Variants in DIP2B observed in about 807,000 individuals in gnomAD.
DIP2B encodes the protein DIP2 acetate--CoA ligase B (putative).
A neutral mutation model predicts 198.0 loss-of-function variants in DIP2B; 76 were observed. The observed-to-expected ratio is 0.38, with a 90% CI of 0.32 to 0.46. The LOEUF (loss-of-function observed/expected upper bound fraction) is 0.46, where lower values mean the gene tolerates loss of function less well. Among genes scored for constraint, DIP2B ranks in the 20% least tolerant of loss-of-function variants. The probability of loss-of-function intolerance (pLI) is 0.99; values close to 1 mark genes in which losing one functional copy is unlikely to be tolerated. For missense variants in DIP2B, 1,559 were observed against 1,978.4 expected (o/e 0.79, Z 4.02); for synonymous variants, 701 against 739.1 (o/e 0.95, Z 0.84).
chr12:50,556,575 A>G (rs1958473326), intron 1 of DIP2B, among the ~76,000 whole-genome samples: 1 of 145,230 alleles, frequency 6.9e-6, no homozygotes, highest in Admixed American at 6.8e-5. Flanking sequence ...TTTTTTTGAG[A>G]TGGAGTCTCG....
intron 3 of DIP2B, among the ~76,000 whole-genome samples, chr12:50,653,934 C>T (rs188291684): frequency 2.7e-5 from 4 of 150,594 alleles, no homozygotes; most frequent in East Asian, 4.0e-4. Context: ...AGTGCAGTGG[C>T]GTGATCTCAG....
At chr12:50,607,743 G>A (rs1958996029) in intron 1 of DIP2B, among the ~76,000 whole-genome samples, 2 of 152,180 alleles carry the variant, frequency 1.3e-5, no homozygotes, top group Non-Finnish European at 2.9e-5. Flanking sequence ...TGAAAACAGA[G>A]GAAACACATC....
chr12:50,711,539 C>T (rs765918134), intron 22 of DIP2B, among the ~76,000 whole-genome samples: 14 of 152,028 alleles, frequency 9.2e-5, no homozygotes, highest in Non-Finnish European at 1.8e-4. Context: ...TTCTTTTGCC[C>T]TTTTAAATTT....
At chr12:50,571,557 T>G (rs1260198595) in intron 1 of DIP2B, among the ~76,000 whole-genome samples, 20 of 144,482 alleles carry the variant, frequency 1.4e-4, no homozygotes, top group Admixed American at 1.3e-3. Flanking sequence ...CGTTTTTTTT[T>G]TTTTTTTTTT....
At chr12:50,668,675 A>T (rs1201754230) in intron 4 of DIP2B, among the ~76,000 whole-genome samples, 2 of 152,360 alleles carry the variant, frequency 1.3e-5, no homozygotes, top group East Asian at 1.9e-4. Context: ...CAATAAAATG[A>T]TACAATAAAA....
intron 20 of DIP2B, among the ~76,000 whole-genome samples, chr12:50,705,898 A>G (rs927444611): frequency 6.6e-6 from 1 of 152,228 alleles, no homozygotes; most frequent in African/African-American, 2.4e-5. Flanking sequence ...AAATTTAGAA[A>G]TTCTGTAATG....
At chr12:50,728,729 G>A in intron 30 of DIP2B, 51 bp downstream of exon 30, 2 of 1,585,140 alleles carry the variant, frequency 1.3e-6, no homozygotes, top group East Asian at 2.3e-5. Context: ...ATACTTTGTG[G>A]CCATGGCCAT....
Position 50,704,125 on chromosome 12 carries a change from C to A in DIP2B, c.2326-15C>A, listed in dbSNP as rs1480179989. 6.3e-7 allele frequency: 1 copy of A among 1,597,368 alleles called. No homozygotes were observed. Among genetic ancestry groups the A allele is most frequent in the Non-Finnish European group, 8.5e-7 (1 of 1,176,226 alleles). On this transcript the variant is annotated splice_polypyrimidine_tract_variant and intron_variant, in intron 19 of 37. Coordinates refer to ENST00000301180, the MANE Select transcript of DIP2B (RefSeq NM_173602.3). ...AAAAAGCAAAGTTTTTCACTTACTT[C>A]ATTTTGTCTCTTAGGTAATTCCAGT...
Position 50,744,963 on chromosome 12 carries a change from A to C in DIP2B, c.*124A>C. ...ATGGCTACATGATATTCTTCATCTC[A>C]TCCTGTGGGATTCTGCAATCATAAA... On this transcript the variant is annotated 3_prime_UTR_variant, in exon 38 of 38. Transcript: ENST00000301180. 3.5e-5 allele frequency: 41 copies of C among 1,179,770 alleles called. No individual in the cohort carries two copies. Among genetic ancestry groups the C allele is most frequent in the Non-Finnish European group, 4.5e-5 (38 of 848,660 alleles). 73.1% of individuals were successfully genotyped at this position (1,179,770 alleles called of 1,614,324 possible).
chr12:50,675,589 T>C (rs983082236), intron 7 of DIP2B, 141 bp downstream of exon 7: 2 of 798,494 alleles, frequency 2.5e-6, no homozygotes, highest in African/African-American at 3.4e-5. Flanking sequence ...TGCTCTTTTT[T>C]CCCTAATGAT....
chr12:50,593,131 C>T (rs1958833600), intron 1 of DIP2B, among the ~76,000 whole-genome samples: 1 of 152,178 alleles, frequency 6.6e-6, no homozygotes, highest in African/African-American at 2.4e-5. Flanking sequence ...AATTAAAACC[C>T]ATACAATAAG....
At chr12:50,666,744 G>A (rs1268240951) in intron 4 of DIP2B, among the ~76,000 whole-genome samples, 1 of 152,144 alleles carries the variant, frequency 6.6e-6, no homozygotes, top group Non-Finnish European at 1.5e-5. Flanking sequence ...GCCTGAGGCC[G>A]GGCGTGGTGG....
chr12:50,625,902 T>C (rs1937924674), intron 1 of DIP2B, 74 bp from the exon 2 acceptor site: 3 of 1,492,790 alleles, frequency 2.0e-6, no homozygotes. Flanking sequence ...ACTCTGTAAT[T>C]AATTTTATTT....
chr12:50,539,729 G>A (rs941285718), intron 1 of DIP2B, among the ~76,000 whole-genome samples: 11 of 151,692 alleles, frequency 7.3e-5, no homozygotes, highest in Admixed American at 6.6e-4. Context: ...TGAAGGCCCC[G>A]TGGGCCTCTT....
intron 1 of DIP2B, among the ~76,000 whole-genome samples, chr12:50,555,293 G>C (rs1958460782): frequency 6.6e-6 from 1 of 152,086 alleles, no homozygotes; most frequent in Non-Finnish European, 1.5e-5. Flanking sequence ...ACCATTTCCA[G>C]AGGGAATTGG....
At chr12:50,736,842 A>G (rs1940146412) in intron 34 of DIP2B, among the ~76,000 whole-genome samples, 194 bp from the exon 35 acceptor site, 3 of 152,194 alleles carry the variant, frequency 2.0e-5, no homozygotes, top group Admixed American at 2.0e-4. Flanking sequence ...TCTTCAATGA[A>G]CTGAGGAAGG....
At chr12:50,674,372 A>G in intron 5 of DIP2B, 102 bp from the exon 6 acceptor site, 1 of 1,285,220 alleles carries the variant, frequency 7.8e-7, no homozygotes, top group African/African-American at 1.5e-5. Flanking sequence ...CAGTGCCCCC[A>G]TTTATGTACT....
intron 1 of DIP2B, among the ~76,000 whole-genome samples, chr12:50,577,399 T>C (rs1480291191): frequency 6.6e-6 from 1 of 151,838 alleles, no homozygotes; most frequent in Non-Finnish European, 1.5e-5. Flanking sequence ...CCAGGCGTGG[T>C]GGCGGGCCCC....
At chr12:50,512,976 C>T (rs1443481330) in intron 1 of DIP2B, among the ~76,000 whole-genome samples, 3 of 152,162 alleles carry the variant, frequency 2.0e-5, no homozygotes, top group Admixed American at 6.5e-5. Context: ...CACTGCACTC[C>T]AGCCTGGGCG....
Sources: gnomAD v4.1 joint callset for allele counts (sites outside exome capture counted in the v4.1 genomes callset) on GRCh38, gnomAD v4.1.1 for gene constraint, MANE v1.5 for transcripts, NCBI Gene and HGNC (gene_info 2026-07-23, HGNC 2026-07-21) for gene names.